Variants in PAK5 observed in about 807,000 individuals in gnomAD.
The protein encoded by PAK5 is serine/threonine-protein kinase PAK 5.
A neutral mutation model predicts 65.9 loss-of-function variants in PAK5; 16 were observed. That is an observed-to-expected ratio of 0.24 (90% CI 0.16 to 0.37). The LOEUF is 0.37. Among genes scored for constraint, PAK5 ranks in the 10% least tolerant of loss-of-function variants. PAK5 has a pLI of 1.00. For synonymous variants in PAK5, 371 were observed against 354.9 expected, an observed-to-expected ratio of 1.05 and a Z score of -0.51; for missense variants, 785 against 903.9, an observed-to-expected ratio of 0.87 and a Z score of 1.69.
intron 1 of PAK5, among the ~76,000 whole-genome samples, chr20:9,829,024 C>A (rs1383959335): frequency 1.3e-5 from 2 of 152,158 alleles, no homozygotes; most frequent in African/African-American, 2.4e-5. Flanking sequence ...CACCTTATGG[C>A]CAATTTACCT....
At chr20:9,641,047 G>A (rs2047052134) in intron 3 of PAK5, among the ~76,000 whole-genome samples, 1 of 152,160 alleles carries the variant, frequency 6.6e-6, no homozygotes, top group Non-Finnish European at 1.5e-5. Context: ...CTGATTGGTA[G>A]AGCCCAGTGG....
At chr20:9,713,579 G>T (rs2048104573) in intron 1 of PAK5, among the ~76,000 whole-genome samples, 1 of 151,998 alleles carries the variant, frequency 6.6e-6, no homozygotes, top group African/African-American at 2.4e-5. Flanking sequence ...TTATTTCAGT[G>T]CTATTCATAA....
chr20:9,641,579 C>A (rs1013110256), intron 3 of PAK5, among the ~76,000 whole-genome samples: 6 of 151,912 alleles, frequency 3.9e-5, no homozygotes, highest in African/African-American at 7.2e-5. Flanking sequence ...CAGTCCTGTG[C>A]GGTGCGCTCA....
intron 1 of PAK5, among the ~76,000 whole-genome samples, chr20:9,780,659 C>T (rs1032777895): frequency 3.3e-5 from 5 of 151,790 alleles, no homozygotes; most frequent in South Asian, 4.2e-4. Context: ...AGTTATTTTC[C>T]TCCCATACCC....
intron 9 of PAK5, among the ~76,000 whole-genome samples, chr20:9,540,789 T>G (rs1380049721): frequency 6.6e-6 from 1 of 150,962 alleles, no homozygotes; most frequent in African/African-American, 2.4e-5. Context: ...TAGGCTGGAG[T>G]GCAGTGGTGC....
chr20:9,584,305 T>C (rs1013123706), intron 3 of PAK5, among the ~76,000 whole-genome samples: 2 of 152,088 alleles, frequency 1.3e-5, no homozygotes, highest in Non-Finnish European at 2.9e-5. Context: ...TTACCACTTA[T>C]TTTATTTTAT....
At chr20:9,709,185 A>G (rs185049421) in intron 2 of PAK5, among the ~76,000 whole-genome samples, 1 of 152,314 alleles carries the variant, frequency 6.6e-6, no homozygotes, top group Non-Finnish European at 1.5e-5. Context: ...CCAGTGGATG[A>G]CAAGACTAAT....
chr20:9,704,440 C>T (rs2047980147), intron 2 of PAK5, among the ~76,000 whole-genome samples: 1 of 152,306 alleles, frequency 6.6e-6, no homozygotes, highest in Non-Finnish European at 1.5e-5. Flanking sequence ...TGACCTTCCA[C>T]TTAAGCCATT....
At chr20:9,616,461 A>G (rs2046657449) in intron 3 of PAK5, among the ~76,000 whole-genome samples, 1 of 152,244 alleles carries the variant, frequency 6.6e-6, no homozygotes, top group Non-Finnish European at 1.5e-5. Flanking sequence ...GAAGGGAATC[A>G]GCGTTCTCTT....
chr20:9,661,764 C>G (rs1276460426), intron 2 of PAK5, among the ~76,000 whole-genome samples: 7 of 151,976 alleles, frequency 4.6e-5, no homozygotes, highest in Admixed American at 2.0e-4. Context: ...ATTTAATGCC[C>G]CTACTAAAGG....
chr20:9,603,587 G>T (rs1351503399), intron 3 of PAK5, among the ~76,000 whole-genome samples: 2 of 152,024 alleles, frequency 1.3e-5, no homozygotes, highest in African/African-American at 4.8e-5. Flanking sequence ...TACCCCAACT[G>T]GTACGTTAGT....
rs536310503 is a variant in PAK5, at chr20:9,546,007, T to C, written c.1744-1513A>G. 1.1e-3 allele frequency among the ~76,000 whole-genome samples: 162 copies of C among 152,138 alleles called. 2 individuals are homozygous for C. The highest frequency in any genetic ancestry group is 1.3e-3 in the Non-Finnish European group (90 of 68,024). ...GGTTTTCAAAATCAAAATTGTTGCATAAATTGATGAACCTCAATCATAAGA... is the reference window on the plus strand; with the variant it reads ...GGTTTTCAAAATCAAAATTGTTGCACAAATTGATGAACCTCAATCATAAGA... On this transcript the variant is annotated intron_variant, in intron 7 of 9. Transcript: ENST00000353224.
intron 2 of PAK5, among the ~76,000 whole-genome samples, chr20:9,688,372 C>G (rs895755374): frequency 1.3e-5 from 2 of 151,890 alleles, no homozygotes; most frequent in African/African-American, 4.8e-5. Flanking sequence ...ACTCGAGCGG[C>G]TTCTTCAAAG....
intron 3 of PAK5, among the ~76,000 whole-genome samples, chr20:9,602,941 G>A (rs1460086720): frequency 2.6e-5 from 4 of 152,202 alleles, no homozygotes; most frequent in East Asian, 1.9e-4. Context: ...CATCACTCAC[G>A]AATTTCAGTT....
chr20:9,649,980 G>A (rs2047182221), intron 2 of PAK5, among the ~76,000 whole-genome samples: 1 of 152,202 alleles, frequency 6.6e-6, no homozygotes, highest in African/African-American at 2.4e-5. Context: ...AAACCCGGCA[G>A]TCCACATTTT....
At chr20:9,585,771 C>T (rs1012967207) in intron 3 of PAK5, among the ~76,000 whole-genome samples, 17 of 152,114 alleles carry the variant, frequency 1.1e-4, no homozygotes, top group South Asian at 4.1e-4. Flanking sequence ...ATGCCCTCAA[C>T]GAAAACACTG....
At chr20:9,768,230 CA>C (rs1441610057) in intron 1 of PAK5, among the ~76,000 whole-genome samples, 2 of 151,724 alleles carry the variant, frequency 1.3e-5, no homozygotes, top group Non-Finnish European at 2.9e-5. Context: ...ATTTTAGACA[CA>C]GGGGTACACG....
chr20:9,541,104 TG>T (rs1227359158), intron 9 of PAK5, among the ~76,000 whole-genome samples: 1 of 152,222 alleles, frequency 6.6e-6, no homozygotes, highest in Non-Finnish European at 1.5e-5. Context: ...TTTATGTTTT[TG>T]TAGGTCCACA....
intron 3 of PAK5, among the ~76,000 whole-genome samples, chr20:9,590,699 G>C (rs1302375967): frequency 1.3e-5 from 2 of 152,070 alleles, no homozygotes; most frequent in African/African-American, 4.8e-5. Context: ...TGGCACCACA[G>C]GCATCACTTC....
Sources: allele counts gnomAD v4.1 joint callset (sites outside exome capture counted in the v4.1 genomes callset), GRCh38; gene constraint gnomAD v4.1.1; transcripts MANE v1.5; gene names NCBI Gene and HGNC (gene_info 2026-07-23, HGNC 2026-07-21).